Variants in GRID2 observed in about 807,000 individuals in gnomAD.
GRID2 encodes glutamate ionotropic receptor delta type subunit 2.
In GRID2, 33 loss-of-function variants were observed where a neutral mutation model predicts 114.8. That is an observed-to-expected ratio of 0.29 (90% CI 0.22 to 0.38). The LOEUF (loss-of-function observed/expected upper bound fraction) is 0.38, where lower values mean the gene tolerates loss of function less well. GRID2 is among the 10% of genes least tolerant of loss of function. The pLI is 1.00. For missense variants in GRID2, 1,184 were observed against 1,257.7 expected, an observed-to-expected ratio of 0.94 and a Z score of 0.89; for synonymous variants, 505 against 449.9, an observed-to-expected ratio of 1.12 and a Z score of -1.55.
intron 13 of GRID2, among the ~76,000 whole-genome samples, chr4:93,568,625 ACATCATAAC>A (rs1184397835): frequency 6.6e-6 from 1 of 152,238 alleles, no homozygotes; most frequent in Non-Finnish European, 1.5e-5. Flanking sequence ...ATCATTAACA[ACATCATAAC>A]CATCATTGTA....
At chr4:92,970,578 A>C (rs1172374764) in intron 2 of GRID2, among the ~76,000 whole-genome samples, 4 of 152,002 alleles carry the variant, frequency 2.6e-5, no homozygotes, top group African/African-American at 4.8e-5. Flanking sequence ...TTCATACATA[A>C]ATTCTGAGAG....
chr4:93,079,550 G>C (rs1729662431), intron 2 of GRID2, among the ~76,000 whole-genome samples: 1 of 151,820 alleles, frequency 6.6e-6, no homozygotes, highest in Non-Finnish European at 1.5e-5. Flanking sequence ...TCTAATCTAA[G>C]TCAGGTTTGA....
chr4:92,653,396 T>C (rs2149263721), intron 2 of GRID2, among the ~76,000 whole-genome samples: 1 of 151,632 alleles, frequency 6.6e-6, no homozygotes, highest in East Asian at 2.0e-4. Context: ...TTCGGTTACA[T>C]ACACACAAAC....
At chr4:92,949,663 G>T (rs1257727464) in intron 2 of GRID2, among the ~76,000 whole-genome samples, 1 of 151,498 alleles carries the variant, frequency 6.6e-6, no homozygotes, top group Non-Finnish European at 1.5e-5. Context: ...TAGGCTTTCA[G>T]TGGCTGGCAC....
At chr4:93,278,667 T>C (rs1752331196) in intron 8 of GRID2, among the ~76,000 whole-genome samples, 1 of 151,972 alleles carries the variant, frequency 6.6e-6, no homozygotes, top group Non-Finnish European at 1.5e-5. Context: ...CATAGTCCAC[T>C]GAAGAAAACA....
chr4:93,253,477 T>C (rs569344978), intron 8 of GRID2, among the ~76,000 whole-genome samples: 1 of 152,232 alleles, frequency 6.6e-6, no homozygotes, highest in South Asian at 2.1e-4. Context: ...TTATAATTAA[T>C]GTAAAATAAT....
In GRID2 at chr4:93,683,730, T is replaced by C. The variant is rs563620237; in HGVS notation, c.2360+57295T>C. Among the ~76,000 whole-genome samples, 10 of 152,238 alleles carry C rather than the reference T, an allele frequency of 6.6e-5. No homozygotes were observed. The East Asian group carries it at 1.9e-3, about 29-fold the overall frequency. ...AGATACATGTTTTTGTACTTATGAA[T>C]TTTTGTGTAGGGAAAATCATTTATT... On this transcript the variant is annotated intron_variant, in intron 14 of 15. Coordinates refer to ENST00000282020, the MANE Select transcript of GRID2 (RefSeq NM_001510.4).
chr4:92,585,613 T>A (rs192703762), intron 1 of GRID2, among the ~76,000 whole-genome samples: 1 of 152,012 alleles, frequency 6.6e-6, no homozygotes, highest in African/African-American at 2.4e-5. Context: ...AATATGTATA[T>A]CTTCCAATAA....
chr4:92,776,760 A>G (rs1037216540), intron 2 of GRID2, among the ~76,000 whole-genome samples: 12 of 152,140 alleles, frequency 7.9e-5, no homozygotes, highest in African/African-American at 2.9e-4. Flanking sequence ...TAAAGAAGAT[A>G]GTTAATATAT....
intron 12 of GRID2, among the ~76,000 whole-genome samples, chr4:93,508,757 A>T (rs1046988447): frequency 6.6e-6 from 1 of 152,210 alleles, no homozygotes; most frequent in Non-Finnish European, 1.5e-5. Flanking sequence ...CCAGCAATCT[A>T]TATTCTAGTG....
intron 2 of GRID2, among the ~76,000 whole-genome samples, chr4:92,912,227 T>C (rs944512438): frequency 2.6e-5 from 4 of 152,024 alleles, no homozygotes; most frequent in African/African-American, 9.6e-5. Context: ...TATGAGCTTT[T>C]AACTTCGTAA....
At chr4:92,770,879 C>T (rs1176009364) in intron 2 of GRID2, among the ~76,000 whole-genome samples, 1 of 152,144 alleles carries the variant, frequency 6.6e-6, no homozygotes, top group Non-Finnish European at 1.5e-5. Context: ...TGATTTTTCT[C>T]AATGCGTTGC....
intron 8 of GRID2, among the ~76,000 whole-genome samples, chr4:93,344,464 G>A (rs185720159): frequency 5.9e-4 from 90 of 151,416 alleles, no homozygotes; most frequent in African/African-American, 2.0e-3. Flanking sequence ...AATAAAAATT[G>A]TATGTATTCA....
At chr4:93,758,140 A>G (rs567968806) in intron 14 of GRID2, among the ~76,000 whole-genome samples, 25 of 152,324 alleles carry the variant, frequency 1.6e-4, no homozygotes, top group Non-Finnish European at 3.7e-4. Context: ...CTACTAAAAA[A>G]AGAAAATTGA....
chr4:93,422,008 A>T (rs1230478378), intron 9 of GRID2, among the ~76,000 whole-genome samples: 1 of 152,204 alleles, frequency 6.6e-6, no homozygotes, highest in African/African-American at 2.4e-5. Context: ...GGAATAGATT[A>T]TCTAGTTTTC....
At chr4:92,330,081 G>A (rs1391392053) in intron 1 of GRID2, among the ~76,000 whole-genome samples, 1 of 151,754 alleles carries the variant, frequency 6.6e-6, no homozygotes. Context: ...CCAACAGTGA[G>A]GCAGGCAAAG....
chr4:93,754,372 A>G (rs1732575851), intron 14 of GRID2, among the ~76,000 whole-genome samples: 1 of 152,202 alleles, frequency 6.6e-6, no homozygotes, highest in Non-Finnish European at 1.5e-5. Flanking sequence ...GTAGCCTCTC[A>G]TAGAAAGACC....
chr4:93,495,513 A>G (rs1727442509), intron 12 of GRID2, among the ~76,000 whole-genome samples: 1 of 151,782 alleles, frequency 6.6e-6, no homozygotes, highest in Non-Finnish European at 1.5e-5. Flanking sequence ...AAGTGGGACT[A>G]AATCATCGAG....
chr4:92,517,878 G>A (rs898851889), intron 1 of GRID2, among the ~76,000 whole-genome samples: 1 of 151,488 alleles, frequency 6.6e-6, no homozygotes, highest in Non-Finnish European at 1.5e-5. Context: ...TATCAAAGAT[G>A]AACAATATTT....
Sources: allele counts gnomAD v4.1 joint callset (sites outside exome capture counted in the v4.1 genomes callset), GRCh38; gene constraint gnomAD v4.1.1; transcripts MANE v1.5; gene names NCBI Gene and HGNC (gene_info 2026-07-23, HGNC 2026-07-21).